Variants in OS9 observed in about 807,000 individuals in gnomAD.
OS9 encodes the protein protein OS-9.
In OS9, 58 loss-of-function variants were observed where a neutral mutation model predicts 84.7. The observed-to-expected ratio is 0.68, with a 90% CI of 0.55 to 0.85. The LOEUF is 0.85. OS9 is among the 40% of genes least tolerant of loss of function. The probability of loss-of-function intolerance (pLI) is 0.00; values close to 1 mark genes in which losing one functional copy is unlikely to be tolerated. For synonymous variants in OS9, 278 were observed against 320.8 expected, an observed-to-expected ratio of 0.87 and a Z score of 1.43; for missense variants, 760 against 850.9, an observed-to-expected ratio of 0.89 and a Z score of 1.33.
intron 2 of OS9, 104 bp from the exon 3 acceptor site, chr12:57,695,676 G>A: frequency 1.3e-6 from 1 of 786,876 alleles, no homozygotes; most frequent in East Asian, 2.4e-5. Flanking sequence ...AGAATTGAGT[G>A]TGTAAGTAGA....
At chr12:57,712,429 T>G (rs1467343111) in intron 5 of OS9, among the ~76,000 whole-genome samples, 1 of 152,144 alleles carries the variant, frequency 6.6e-6, no homozygotes, top group Non-Finnish European at 1.5e-5. Flanking sequence ...TTTCCAAATT[T>G]TTTTCCTCAT....
Position 57,718,326 on chromosome 12 carries a change from G to C in OS9, c.1315G>C (p.Glu439Gln). The C allele has an allele frequency of 6.2e-7, 1 of 1,614,220 alleles. No homozygotes were observed. The highest frequency in any genetic ancestry group is 8.5e-7 in the Non-Finnish European group (1 of 1,180,038). ...GCAGTTACTGGGAGAATTTGAGAAG[G>C]AACTGGAAGGGATCCTGCTTCCGTC... ...ERQLLGEFEK[E>Q]LEGILLPSDR... is the part of the protein sequence containing the mutation. Residue 439 changes from glutamate (E) to glutamine (Q), a missense_variant, in exon 11 of 15, where the codon GAA becomes CAA. Coordinates refer to ENST00000315970, the MANE Select transcript of OS9 (RefSeq NM_006812.4).
chr12:57,718,121 T>G (rs539756836), intron 10 of OS9, 25 bp from the exon 11 acceptor site: 2 of 1,606,130 alleles, frequency 1.2e-6, no homozygotes, highest in South Asian at 2.2e-5. Flanking sequence ...CCAACTGTCT[T>G]TCTCCCCACT....
intron 11 of OS9, 70 bp from the exon 12 acceptor site, chr12:57,718,923 C>A: frequency 1.8e-6 from 2 of 1,127,226 alleles, no homozygotes; most frequent in Non-Finnish European, 2.6e-6. Flanking sequence ...GACTCTCCTA[C>A]AGAGCCCAGC....
Position 57,717,967 on chromosome 12 carries a change from C to G in OS9, c.1134+9C>G. On this transcript the variant is annotated intron_variant, in intron 10 of 14. Coordinates refer to ENST00000315970, the MANE Select transcript of OS9 (RefSeq NM_006812.4). ...AAGGTGGAACAAAAAAGGTATAGGC[C>G]GTGCTTAGGGAATGGGTAGAACCCA... 1 of 1,601,802 alleles carries G rather than the reference C, an allele frequency of 6.2e-7. No individual in the cohort carries two copies. Among genetic ancestry groups the G allele is most frequent in the Non-Finnish European group, 8.5e-7 (1 of 1,175,024 alleles).
Position 57,721,096 on chromosome 12 carries a change from C to T in OS9, c.*187C>T. On this transcript the variant is annotated 3_prime_UTR_variant, in exon 15 of 15. Transcript: ENST00000315970. ...ATGCTGCTGCCCCTGCTGGCAGCCA[C>T]CTTGAGACCTCACCGGGCCTGTGAT... 1 of 597,314 alleles carries T rather than the reference C, an allele frequency of 1.7e-6. No individual in the cohort carries two copies. Among genetic ancestry groups the T allele is most frequent in the Non-Finnish European group, 3.0e-6 (1 of 338,150 alleles). 37.0% of individuals were successfully genotyped at this position (597,314 alleles called of 1,614,324 possible).
rs750531164 is a variant in OS9 at position 57,717,867 on chromosome 12, C to T, written c.1046-3C>T. 4 of 1,533,132 alleles carry T rather than the reference C, an allele frequency of 2.6e-6. No homozygotes were observed. The highest frequency in any genetic ancestry group is 2.8e-5 in the African/African-American group (2 of 71,500). 95.0% of individuals were successfully genotyped at this position (1,533,132 alleles called of 1,614,324 possible). A position where few individuals can be genotyped will look rare whatever the true frequency, so the allele number is the denominator to read the frequency against. ...GTTCATGATTATTATTCTTTCATCT[C>T]AGATTTTCAGAACAACGTGCAGGTC... On this transcript the variant is annotated splice_polypyrimidine_tract_variant and splice_region_variant and intron_variant, in intron 9 of 14. Coordinates refer to ENST00000315970, the MANE Select transcript of OS9 (RefSeq NM_006812.4).
rs762380883 is a variant in OS9, at chr12:57,696,005, A to G, written c.447A>G (p.Gln149=). 7 of 1,613,748 alleles carry G rather than the reference A, an allele frequency of 4.3e-6. No individual in the cohort carries two copies. The highest frequency in any genetic ancestry group is 3.3e-4 in the Middle Eastern group (2 of 6,062). ...KGEVLYLGYY[Q]SAFDWDDETA... is the part of the protein sequence containing the mutation. ...AAGTCCTCTATCTCGGCTACTACCA[A>G]TCAGCCTTCGACTGGGATGATGAAA... The change falls in exon 4 of 15, where the codon CAA becomes CAG. Residue 149 remains glutamine, a synonymous_variant. Coordinates refer to ENST00000315970, the MANE Select transcript of OS9 (RefSeq NM_006812.4).
At chr12:57,705,048 A>G (rs1019527734) in intron 5 of OS9, among the ~76,000 whole-genome samples, 10 of 152,176 alleles carry the variant, frequency 6.6e-5, no homozygotes, top group African/African-American at 2.4e-4. Flanking sequence ...TCAGTTATTT[A>G]CCAAGTTCTC....
chr12:57,707,419 C>T (rs946309393), intron 5 of OS9, among the ~76,000 whole-genome samples: 1 of 152,108 alleles, frequency 6.6e-6, no homozygotes, highest in Non-Finnish European at 1.5e-5. Context: ...TGGTGAAAGG[C>T]AAGTGGGGAG....
rs780557795 is a variant in OS9, at chr12:57,715,868, C to A, written c.688C>A (p.His230Asn). The change falls in exon 6 of 15, where the codon CAC becomes AAC. Residue 230 changes from histidine to asparagine, a missense_variant. Coordinates refer to ENST00000315970, the MANE Select transcript of OS9 (RefSeq NM_006812.4). ...LTIRTPRLCP[H>N]PLLRPPPSAA... The stretch of plus-strand genomic sequence containing the variant: ...CATTCGCACTCCTCGGCTCTGCCCC[C>A]ACCCTCTCCTCCGGCCCCCACCCAG... 2 of 1,613,806 alleles carry A rather than the reference C, an allele frequency of 1.2e-6. No homozygotes were observed. The highest frequency in any genetic ancestry group is 1.7e-6 in the Non-Finnish European group (2 of 1,179,816).
intron 12 of OS9, 51 bp from the exon 13 acceptor site, chr12:57,720,048 C>G (rs763643584): frequency 6.4e-6 from 10 of 1,574,366 alleles, no homozygotes; most frequent in Non-Finnish European, 8.7e-6. Flanking sequence ...CACCCCTAAC[C>G]CTGGAGTCAC....
chr12:57,708,129 G>C (rs1385096561), intron 5 of OS9, among the ~76,000 whole-genome samples: 2 of 151,992 alleles, frequency 1.3e-5, no homozygotes, highest in Non-Finnish European at 2.9e-5. Context: ...TAAATTTTCT[G>C]AATAGGCATA....
At position 57,716,175 on chromosome 12, in the gene OS9, G is replaced by T; in HGVS notation, c.874G>T (p.Ala292Ser). The change falls in exon 7 of 15, where the codon GCA (alanine) becomes TCA (serine). Residue 292 changes from alanine to serine, a missense_variant. By Grantham distance (99) the Ala-to-Ser change is moderately conservative (BLOSUM62 1). Coordinates refer to ENST00000315970, the MANE Select transcript of OS9 (RefSeq NM_006812.4). ...QVWSETKSGV[A>S]PQKMAGASPT... is the part of the protein sequence containing the mutation. ...GTGGAGTGAGACCAAGTCTGGGGTG[G>T]CACCCCAAAAGATGGCAGGTAGGAC... 1 of 1,607,990 alleles carries T rather than the reference G, an allele frequency of 6.2e-7. No homozygotes were observed. Among genetic ancestry groups the T allele is most frequent in the Non-Finnish European group, 8.5e-7 (1 of 1,176,860 alleles).
At chr12:57,719,997 C>G in intron 12 of OS9, 102 bp from the exon 13 acceptor site, 2 of 1,082,318 alleles carry the variant, frequency 1.8e-6, no homozygotes, top group Non-Finnish European at 1.3e-6. Context: ...GATGGAAGAG[C>G]TGCCAAAGCC....
At position 57,695,812 on chromosome 12, in the gene OS9, T is replaced by C. The variant is rs761158677; in HGVS notation, c.372T>C (p.Tyr124=). The change falls in exon 3 of 15, where the codon TAT becomes TAC. Residue 124 remains tyrosine, a synonymous_variant. Coordinates refer to ENST00000315970, the MANE Select transcript of OS9 (RefSeq NM_006812.4). ...TKDWWTYEFC[Y]GRHIQQYHME... ...ACTGGTGGACATATGAATTCTGTTA[T>C]GGACGCCACATCCAGCAATACCACA... is the stretch of plus-strand genomic sequence containing the variant. 4.3e-5 allele frequency: 69 copies of C among 1,612,214 alleles called. No homozygotes were observed. The Admixed American group carries it at 8.7e-4, about 20-fold the overall frequency.
At chr12:57,701,711 A>C (rs1407883858) in intron 5 of OS9, among the ~76,000 whole-genome samples, 1 of 152,232 alleles carries the variant, frequency 6.6e-6, no homozygotes, top group South Asian at 2.1e-4. Context: ...AGTGTACAAG[A>C]ATTTCTCCAG....
chr12:57,710,787 C>A (rs1954302298), intron 5 of OS9, among the ~76,000 whole-genome samples: 1 of 152,074 alleles, frequency 6.6e-6, no homozygotes, highest in Non-Finnish European at 1.5e-5. Flanking sequence ...TGCCTGTAAT[C>A]CCAGCACTTT....
chr12:57,705,025 T>A (rs1272556457), intron 5 of OS9, among the ~76,000 whole-genome samples: 1 of 152,238 alleles, frequency 6.6e-6, no homozygotes, highest in Non-Finnish European at 1.5e-5. Context: ...CCTCTCTGAT[T>A]TGTAATGCCT....
Sources: gnomAD v4.1 joint callset for allele counts (sites outside exome capture counted in the v4.1 genomes callset) on GRCh38, gnomAD v4.1.1 for gene constraint, MANE v1.5 for transcripts, NCBI Gene and HGNC (gene_info 2026-07-23, HGNC 2026-07-21) for gene names.